Variants in NRXN3 observed in about 807,000 individuals in gnomAD.
NRXN3 encodes neurexin 3.
Under a neutral mutation model 137.6 loss-of-function variants are expected in NRXN3, and 32 were observed. That is an observed-to-expected ratio of 0.23 (90% CI 0.18 to 0.31). The LOEUF (loss-of-function observed/expected upper bound fraction) is 0.31, where lower values mean the gene tolerates loss of function less well. Ranked by LOEUF, NRXN3 falls within the 10% of genes least tolerant of loss-of-function variation. The probability of loss-of-function intolerance (pLI) is 1.00; values close to 1 mark genes in which losing one functional copy is unlikely to be tolerated. For missense variants in NRXN3, 1,574 were observed against 2,062.5 expected (o/e 0.76, Z 4.59); for synonymous variants, 798 against 784.5 (o/e 1.02, Z -0.29).
At chr14:78,703,441 T>C (rs575180532) in intron 6 of NRXN3, among the ~76,000 whole-genome samples, 1 of 152,318 alleles carries the variant, frequency 6.6e-6, no homozygotes, top group East Asian at 1.9e-4. Flanking sequence ...GTAGGAACGT[T>C]ATGCAATAAT....
intron 19 of NRXN3, among the ~76,000 whole-genome samples, chr14:79,757,978 T>C (rs569248733): frequency 3.9e-5 from 6 of 152,282 alleles, no homozygotes; most frequent in Non-Finnish European, 7.4e-5. Context: ...ATACTTTTTT[T>C]CCCCTCCAAT....
intron 15 of NRXN3, among the ~76,000 whole-genome samples, chr14:79,144,549 G>C (rs894467518): frequency 6.6e-6 from 1 of 152,246 alleles, no homozygotes; most frequent in East Asian, 1.9e-4. Flanking sequence ...CCTCTTGTCT[G>C]GGTAGCCTTG....
chr14:79,481,482 C>G (rs1407159801), intron 16 of NRXN3, among the ~76,000 whole-genome samples: 1 of 152,176 alleles, frequency 6.6e-6, no homozygotes, highest in African/African-American at 2.4e-5. Context: ...CTATTGCATC[C>G]AGGCTATAAA....
chr14:78,217,519 A>G (rs1376801781), intron 1 of NRXN3, among the ~76,000 whole-genome samples: 1 of 152,190 alleles, frequency 6.6e-6, no homozygotes, highest in South Asian at 2.1e-4. Flanking sequence ...GAGAAACTCT[A>G]TTTTAAAGAG....
chr14:79,077,533 T>A (rs1425011791), intron 15 of NRXN3, among the ~76,000 whole-genome samples: 1 of 152,188 alleles, frequency 6.6e-6, no homozygotes, highest in Admixed American at 6.5e-5. Context: ...TGTACTAGGC[T>A]TCTGCTTCCA....
chr14:79,610,779 A>T (rs927798243), intron 16 of NRXN3, among the ~76,000 whole-genome samples: 4 of 152,222 alleles, frequency 2.6e-5, no homozygotes, highest in African/African-American at 7.2e-5. Context: ...CAAAGAGGTG[A>T]CAGTTTTTAT....
intron 16 of NRXN3, among the ~76,000 whole-genome samples, chr14:79,574,222 C>CCACACACA (rs139060549): frequency 2.0e-5 from 3 of 147,726 alleles, no homozygotes; most frequent in Middle Eastern, 3.5e-3. Context: ...GTGCATGCAC[C>CCACACACA]CACACACACA....
intron 10 of NRXN3, among the ~76,000 whole-genome samples, chr14:78,914,256 G>T (rs1034859476): frequency 1.3e-5 from 2 of 152,138 alleles, no homozygotes; most frequent in African/African-American, 4.8e-5. Flanking sequence ...AATGTATTCT[G>T]GGCTCCAAAT....
intron 4 of NRXN3, among the ~76,000 whole-genome samples, chr14:78,323,722 C>T (rs987947212): frequency 6.6e-6 from 1 of 152,004 alleles, no homozygotes. Context: ...CAAGGAAGTG[C>T]TTCCCTAGGC....
chr14:79,365,793 G>A (rs1390402920), intron 15 of NRXN3, among the ~76,000 whole-genome samples: 2 of 145,084 alleles, frequency 1.4e-5, no homozygotes, highest in African/African-American at 5.1e-5. Context: ...ATATTGTTTT[G>A]GCACAAATTG....
chr14:78,176,306 A>T (rs1366380959), intron 1 of NRXN3, among the ~76,000 whole-genome samples: 1 of 151,836 alleles, frequency 6.6e-6, no homozygotes, highest in Non-Finnish European at 1.5e-5. Flanking sequence ...TCATCATCAT[A>T]GTAGTGGTAG....
chr14:78,651,083 A>C, intron 5 of NRXN3, 82 bp from the exon 6 acceptor site: 1 of 1,282,716 alleles, frequency 7.8e-7, no homozygotes, highest in Non-Finnish European at 1.1e-6. Flanking sequence ...AAGTGATGCC[A>C]CAAGTAGGGG....
intron 15 of NRXN3, among the ~76,000 whole-genome samples, chr14:79,118,332 A>G (rs548730066): frequency 3.3e-5 from 5 of 152,354 alleles, no homozygotes; most frequent in African/African-American, 1.2e-4. Context: ...TTCTGGGCAC[A>G]TAGTAGGGCT....
intron 16 of NRXN3, among the ~76,000 whole-genome samples, chr14:79,563,028 C>A (rs59412885): frequency 0.015 from 2,268 of 152,180 alleles, 62 homozygotes; most frequent in African/African-American, 0.052. Context: ...TAACCCACCC[C>A]CAATAAGCTC....
At chr14:79,399,246 C>T (rs2095120196) in intron 15 of NRXN3, among the ~76,000 whole-genome samples, 1 of 152,136 alleles carries the variant, frequency 6.6e-6, no homozygotes, top group Admixed American at 6.5e-5. Flanking sequence ...TCTTACATAG[C>T]TCCCAAAGCC....
chr14:78,209,269 G>T (rs561229357), intron 1 of NRXN3, among the ~76,000 whole-genome samples: 1 of 152,276 alleles, frequency 6.6e-6, no homozygotes, highest in South Asian at 2.1e-4. Context: ...GAAACAGGAA[G>T]AGCATGGAGA....
chr14:78,877,046 C>A (rs2099115581), intron 10 of NRXN3, among the ~76,000 whole-genome samples: 1 of 152,160 alleles, frequency 6.6e-6, no homozygotes, highest in African/African-American at 2.4e-5. Flanking sequence ...TTCTTCTTCA[C>A]TTGGTGTTCA....
intron 10 of NRXN3, among the ~76,000 whole-genome samples, chr14:78,863,780 C>A (rs1292836527): frequency 1.3e-5 from 2 of 152,180 alleles, no homozygotes; most frequent in East Asian, 3.9e-4. Flanking sequence ...CAAGCGTGGA[C>A]TTCTTTGTCA....
At chr14:79,425,321 G>T (rs1193678836) in intron 15 of NRXN3, among the ~76,000 whole-genome samples, 1 of 152,052 alleles carries the variant, frequency 6.6e-6, no homozygotes, top group African/African-American at 2.4e-5. Context: ...TGATAAATGT[G>T]GTTTGTAATA....
Sources: gnomAD v4.1 joint callset for allele counts (sites outside exome capture counted in the v4.1 genomes callset) on GRCh38, gnomAD v4.1.1 for gene constraint, MANE v1.5 for transcripts, NCBI Gene and HGNC (gene_info 2026-07-23, HGNC 2026-07-21) for gene names.